Variants in CLPTM1L observed in about 807,000 individuals in gnomAD.
The protein encoded by CLPTM1L is CLPTM1 like.
A neutral mutation model predicts 70.9 loss-of-function variants in CLPTM1L; 38 were observed. The ratio of observed to expected loss-of-function variants is 0.54; its 90% CI spans 0.41 to 0.70. CLPTM1L has a LOEUF of 0.70. Ranked by LOEUF, CLPTM1L falls within the 30% of genes least tolerant of loss-of-function variation. The pLI is 0.00. For missense variants in CLPTM1L, 652 were observed against 705.9 expected (o/e 0.92, Z 0.87); for synonymous variants, 339 against 299.9 (o/e 1.13, Z -1.35).
At chr5:1,325,073 C>A (rs919239223) in intron 10 of CLPTM1L, 3 of 571,054 alleles carry the variant, frequency 5.3e-6, no homozygotes, top group Admixed American at 3.1e-5. Context: ...TCAGGTGGCT[C>A]AGTTTTCAGT....
At chr5:1,336,933 T>C (rs1753609140) in intron 5 of CLPTM1L, among the ~76,000 whole-genome samples, 1 of 152,126 alleles carries the variant, frequency 6.6e-6, no homozygotes, top group Admixed American at 6.5e-5. Context: ...CGCTTCTCCG[T>C]TTCCCAGCTG....
intron 6 of CLPTM1L, 60 bp downstream of exon 6, chr5:1,334,997 T>C: frequency 7.4e-7 from 1 of 1,343,622 alleles, no homozygotes; most frequent in Non-Finnish European, 1.1e-6. Context: ...GATTCGCACT[T>C]GGATGCCCGA....
intron 5 of CLPTM1L, among the ~76,000 whole-genome samples, 181 bp from the exon 6 acceptor site, chr5:1,335,355 G>A (rs980550533): frequency 3.9e-5 from 6 of 152,184 alleles, no homozygotes; most frequent in African/African-American, 1.4e-4. Flanking sequence ...AGGCCCCAGC[G>A]TGCTGCGTTC....
intron 10 of CLPTM1L, chr5:1,325,343 C>T (rs1349747781): frequency 8.0e-6 from 2 of 251,526 alleles, no homozygotes; most frequent in Non-Finnish European, 1.5e-5. Context: ...GCCTTATGGG[C>T]GCCCAGGCAC....
chr5:1,331,640 T>G (rs1753099044), intron 8 of CLPTM1L, 159 bp downstream of exon 8: 1 of 646,194 alleles, frequency 1.5e-6, no homozygotes, highest in Admixed American at 2.7e-5. Flanking sequence ...AACGGCTCCC[T>G]GGGCTTTACG....
At position 1,321,926 on chromosome 5, in the gene CLPTM1L, A is replaced by G. The variant is rs1752182655; in HGVS notation, c.1316-107T>C. 5 of 985,174 alleles carry G rather than the reference A, an allele frequency of 5.1e-6. No homozygotes were observed. The South Asian group carries it at 6.8e-5, about 13-fold the overall frequency. 61.0% of individuals were successfully genotyped at this position (985,174 alleles called of 1,614,324 possible). A position where few individuals can be genotyped will look rare whatever the true frequency, so the allele number is the denominator to read the frequency against. On this transcript the variant is annotated intron_variant, in intron 13 of 16. Transcript: ENST00000320895. ...GAGGGCCGAGCTGCCACGTCTATGC[A>G]TAGTGGGCAGAAAACAAGGTCTGCT...
intron 5 of CLPTM1L, among the ~76,000 whole-genome samples, chr5:1,337,633 G>A (rs1002962380): frequency 6.6e-6 from 1 of 152,214 alleles, no homozygotes; most frequent in Non-Finnish European, 1.5e-5. Context: ...CCCTCTATGC[G>A]CTGCATAAAC....
At chr5:1,325,664 G>T in intron 10 of CLPTM1L, 87 bp downstream of exon 10, 3 of 1,095,376 alleles carry the variant, frequency 2.7e-6, no homozygotes, top group South Asian at 1.3e-5. Context: ...TGACTCATCT[G>T]CAGATGGCCA....
At chr5:1,335,233 G>T (rs1202535998) in intron 5 of CLPTM1L, 59 bp from the exon 6 acceptor site, 7 of 1,394,010 alleles carry the variant, frequency 5.0e-6, no homozygotes, top group South Asian at 3.5e-5. Context: ...CAGCTGCCTG[G>T]CAGCCCTCGC....
chr5:1,341,882 C>T, intron 2 of CLPTM1L, 22 bp from the exon 3 acceptor site: 1 of 1,578,668 alleles, frequency 6.3e-7, no homozygotes, highest in Non-Finnish European at 8.7e-7. Context: ...CAATCATTTC[C>T]ACTACATACA....
Position 1,321,693 on chromosome 5 carries a change from GAC to G in CLPTM1L, c.1372-16_1372-15del. On this transcript the variant is annotated splice_polypyrimidine_tract_variant and intron_variant, in intron 14 of 16. Coordinates refer to ENST00000320895, the MANE Select transcript of CLPTM1L (RefSeq NM_030782.5). ...CACTGACTTCAACTGAAACAGGAGAGACAGGCCCAGGTCAGCTGTGGGCAGCA... is the reference window on the plus strand; with the variant it reads ...CACTGACTTCAACTGAAACAGGAGAGAGGCCCAGGTCAGCTGTGGGCAGCA... 6.2e-7 allele frequency: 1 copy of G among 1,613,996 alleles called. No individual in the cohort carries two copies. The highest frequency in any genetic ancestry group is 8.5e-7 in the Non-Finnish European group (1 of 1,180,006).
At position 1,342,522 on chromosome 5, in the gene CLPTM1L, C is replaced by T; in HGVS notation, c.264-662G>A. ...TCACCCGCACACCAGGGCCCGACGT[C>T]CATACTACAGCCCCATGGAAAAACC... On this transcript the variant is annotated intron_variant, in intron 2 of 16. Coordinates refer to ENST00000320895, the MANE Select transcript of CLPTM1L (RefSeq NM_030782.5). This position sits in a 1 kb window ranked among gnomAD's most constrained non-coding sequence, Gnocchi z 4.3. Among the ~76,000 whole-genome samples the T allele has an allele frequency of 6.6e-6, 1 of 152,236 alleles. No individual in the cohort carries two copies. Among genetic ancestry groups the T allele is most frequent in the East Asian group, 1.9e-4 (1 of 5,200 alleles).
intron 2 of CLPTM1L, 41 bp from the exon 3 acceptor site, chr5:1,341,901 T>C (rs1408643160): frequency 1.0e-5 from 15 of 1,506,412 alleles, no homozygotes; most frequent in Non-Finnish European, 1.3e-5. Context: ...CATATTATAT[T>C]CTGGGTCTCT....
Position 1,329,398 on chromosome 5 carries a change from T to C in CLPTM1L, c.1080+882A>G, listed in dbSNP as rs374073735. On this transcript the variant is annotated intron_variant, in intron 9 of 16. Coordinates refer to ENST00000320895, the MANE Select transcript of CLPTM1L (RefSeq NM_030782.5). ...TTCTCAAGCACATGAAAACACTCTG[T>C]TTGGTGGACAGGGCCTCAGGCCTCT... is the stretch of plus-strand genomic sequence containing the variant. 1.2e-3 allele frequency among the ~76,000 whole-genome samples: 182 copies of C among 152,256 alleles called. 5 individuals are homozygous for C. In the South Asian group the frequency reaches 0.037, roughly 31 times the overall value.
chr5:1,327,185 C>G (rs2111212184), intron 9 of CLPTM1L, among the ~76,000 whole-genome samples: 1 of 150,636 alleles, frequency 6.6e-6, no homozygotes, highest in African/African-American at 2.5e-5. Flanking sequence ...TCCAGCTCCT[C>G]CTCTACAGAC....
At chr5:1,329,991 C>T (rs1049616332) in intron 9 of CLPTM1L, among the ~76,000 whole-genome samples, 1 of 150,044 alleles carries the variant, frequency 6.7e-6, no homozygotes, top group African/African-American at 2.5e-5. Flanking sequence ...GCTTGGTGGA[C>T]AGAGCCTCAG....
chr5:1,326,731 G>GAAAC (rs1752589825), intron 9 of CLPTM1L, among the ~76,000 whole-genome samples: 3 of 95,414 alleles, frequency 3.1e-5, no homozygotes, highest in African/African-American at 1.3e-4. Flanking sequence ...CCTCTACGGG[G>GAAAC]ACATTTCATC....
At position 1,344,863 on chromosome 5, in the gene CLPTM1L, C is replaced by G. The variant is rs1432892219; in HGVS notation, c.-22G>C. 1 of 1,386,942 alleles carries G rather than the reference C, an allele frequency of 7.2e-7. No homozygotes were observed. The allele number at this position is 1,386,942 out of a possible 1,614,324, so 85.9% of individuals were successfully genotyped here. A position where few individuals can be genotyped will look rare whatever the true frequency, so the allele number is the denominator to read the frequency against. On this transcript the variant is annotated 5_prime_UTR_variant, in exon 1 of 17. Coordinates refer to ENST00000320895, the MANE Select transcript of CLPTM1L (RefSeq NM_030782.5). ...ACATGGCGGCCCCGCGCCCGGCGCC[C>G]CCGGCCCGCCCGCCTCTCAGCCGCG...
chr5:1,327,401 A>T (rs1342414336), intron 9 of CLPTM1L, among the ~76,000 whole-genome samples: 1 of 145,888 alleles, frequency 6.9e-6, no homozygotes, highest in Non-Finnish European at 1.5e-5. Context: ...CTACAGGCAC[A>T]TTCCATCCAG....
Sources: gnomAD v4.1 joint callset for allele counts (sites outside exome capture counted in the v4.1 genomes callset) on GRCh38, gnomAD v4.1.1 for gene constraint, Gnocchi (gnomAD v3.1) non-coding constraint, MANE v1.5 for transcripts, NCBI Gene and HGNC (gene_info 2026-07-23, HGNC 2026-07-21) for gene names.